Variants in PCDH9 observed in about 807,000 individuals in gnomAD.
The protein encoded by PCDH9 is protocadherin-9.
A neutral mutation model predicts 70.6 loss-of-function variants in PCDH9; 24 were observed. The ratio of observed to expected loss-of-function variants is 0.34; its 90% CI spans 0.25 to 0.48. The LOEUF (loss-of-function observed/expected upper bound fraction) is 0.48, where lower values mean the gene tolerates loss of function less well. Among genes scored for constraint, PCDH9 ranks in the 20% least tolerant of loss-of-function variants. PCDH9 has a pLI of 0.99. For missense variants in PCDH9, 1,281 were observed against 1,503.6 expected (o/e 0.85, Z 2.45); for synonymous variants, 562 against 558.5 (o/e 1.01, Z -0.09).
chr13:66,681,774 T>G (rs1314660875), intron 3 of PCDH9, among the ~76,000 whole-genome samples: 8 of 152,016 alleles, frequency 5.3e-5, no homozygotes, highest in Non-Finnish European at 1.2e-4. Context: ...GCTGTAACAG[T>G]TTGATGTCTG....
At chr13:66,404,637 A>G (rs1957248918) in intron 4 of PCDH9, among the ~76,000 whole-genome samples, 1 of 152,282 alleles carries the variant, frequency 6.6e-6, no homozygotes, top group East Asian at 1.9e-4. Flanking sequence ...TCAAGGTGTG[A>G]ATCATTCAGT....
chr13:66,699,644 C>A (rs1222839374), intron 3 of PCDH9, among the ~76,000 whole-genome samples: 1 of 152,154 alleles, frequency 6.6e-6, no homozygotes, highest in Non-Finnish European at 1.5e-5. Flanking sequence ...GAAAGGGATT[C>A]TTTGCCTAGA....
At chr13:67,137,901 T>C (rs1026613876) in intron 2 of PCDH9, among the ~76,000 whole-genome samples, 1 of 152,162 alleles carries the variant, frequency 6.6e-6, no homozygotes, top group Admixed American at 6.6e-5. Flanking sequence ...TGTTCAATTC[T>C]ATGTAAAAAA....
intron 3 of PCDH9, among the ~76,000 whole-genome samples, chr13:66,846,972 G>T (rs1027079493): frequency 2.0e-5 from 3 of 151,572 alleles, no homozygotes; most frequent in Admixed American, 6.6e-5. Flanking sequence ...CTTATTAAAA[G>T]CTGATTTCAA....
In PCDH9 at chr13:66,626,951, CTGTGTG is replaced by C. The variant is rs10559380; in HGVS notation, c.3340+4253_3340+4258del. On this transcript the variant is annotated intron_variant, in intron 4 of 4. Coordinates refer to ENST00000377865, the MANE Select transcript of PCDH9 (RefSeq NM_203487.3). ...GCCAGTATTATTAGATCAAATGCCA[CTGTGTG>C]TGTGTGTGTGTGTGTGTGTGTGTGT... Among the ~76,000 whole-genome samples the C allele has an allele frequency of 7.0e-3, 1,034 of 146,980 alleles. 2 individuals carry two copies. Among genetic ancestry groups the C allele is most frequent in the African/African-American group, 0.013 (528 of 40,046 alleles).
chr13:66,592,126 G>C (rs546289266), intron 4 of PCDH9, among the ~76,000 whole-genome samples: 69 of 151,654 alleles, frequency 4.5e-4, no homozygotes, highest in South Asian at 1.7e-3. Context: ...TAAGATAGAG[G>C]CCTTTTTTAT....
chr13:67,130,936 C>T (rs1313957893), intron 2 of PCDH9, among the ~76,000 whole-genome samples: 1 of 152,114 alleles, frequency 6.6e-6, no homozygotes, highest in Admixed American at 6.6e-5. Flanking sequence ...CCTTCGCCTT[C>T]CCTTCAAATC....
intron 4 of PCDH9, among the ~76,000 whole-genome samples, chr13:66,380,864 G>C (rs985338270): frequency 6.6e-6 from 1 of 152,058 alleles, no homozygotes; most frequent in Non-Finnish European, 1.5e-5. Context: ...TTTAAAGAGA[G>C]AAAATCACAT....
chr13:66,818,675 G>T (rs1167927760), intron 3 of PCDH9, among the ~76,000 whole-genome samples: 4 of 152,150 alleles, frequency 2.6e-5, no homozygotes, highest in African/African-American at 9.7e-5. Flanking sequence ...GCTCACGCCT[G>T]TAGTCCCAGC....
chr13:66,622,047 C>T (rs908768295), intron 4 of PCDH9, among the ~76,000 whole-genome samples: 3 of 152,220 alleles, frequency 2.0e-5, no homozygotes, highest in African/African-American at 4.8e-5. Context: ...TCGGAGCAGC[C>T]GGCCGGCCCT....
chr13:66,412,378 G>T (rs1374990758), intron 4 of PCDH9, among the ~76,000 whole-genome samples: 2 of 152,126 alleles, frequency 1.3e-5, no homozygotes, highest in East Asian at 3.9e-4. Context: ...TCAAAACTCA[G>T]AGTTGCACTA....
intron 4 of PCDH9, among the ~76,000 whole-genome samples, chr13:66,604,800 C>G (rs1187756725): frequency 6.6e-6 from 1 of 151,742 alleles, no homozygotes; most frequent in African/African-American, 2.4e-5. Flanking sequence ...TTTTCAAATA[C>G]TTTTTATGTT....
chr13:67,154,737 G>C (rs187698637), intron 2 of PCDH9, among the ~76,000 whole-genome samples: 47 of 134,044 alleles, frequency 3.5e-4, no homozygotes, highest in East Asian at 6.5e-4. Context: ...CAGAGTCTCT[G>C]TCTGTCACCT....
chr13:66,363,115 G>T (rs535879628), intron 4 of PCDH9, among the ~76,000 whole-genome samples: 1 of 152,266 alleles, frequency 6.6e-6, no homozygotes, highest in East Asian at 1.9e-4. Context: ...GGAGGCAAAA[G>T]TTGCAGTGAG....
intron 4 of PCDH9, among the ~76,000 whole-genome samples, chr13:66,344,066 T>C (rs893928135): frequency 1.1e-4 from 17 of 152,192 alleles, no homozygotes; most frequent in African/African-American, 4.1e-4. Flanking sequence ...AAAAATCTGA[T>C]AGAAAGTGTA....
At chr13:66,413,648 T>C (rs1474590891) in intron 4 of PCDH9, among the ~76,000 whole-genome samples, 1 of 151,748 alleles carries the variant, frequency 6.6e-6, no homozygotes, top group East Asian at 1.9e-4. Context: ...ATGAAGCCAC[T>C]GCACTCCACC....
intron 4 of PCDH9, among the ~76,000 whole-genome samples, chr13:66,408,531 C>T (rs1261441694): frequency 6.6e-6 from 1 of 152,070 alleles, no homozygotes; most frequent in Admixed American, 6.5e-5. Flanking sequence ...AAATGTTAAA[C>T]ATAATTACAG....
chr13:66,955,889 C>T (rs373500781), intron 2 of PCDH9, among the ~76,000 whole-genome samples: 17 of 151,982 alleles, frequency 1.1e-4, no homozygotes, highest in African/African-American at 3.9e-4. Context: ...GTCAGGAGTT[C>T]GACACCGGCC....
chr13:66,391,991 T>C (rs868336170), intron 4 of PCDH9, among the ~76,000 whole-genome samples: 13 of 151,378 alleles, frequency 8.6e-5, no homozygotes, highest in African/African-American at 1.7e-4. Flanking sequence ...ACTGCTGTTA[T>C]AGGAAAACAA....
Sources: gnomAD v4.1 joint callset for allele counts (sites outside exome capture counted in the v4.1 genomes callset) on GRCh38, gnomAD v4.1.1 for gene constraint, MANE v1.5 for transcripts, NCBI Gene and HGNC (gene_info 2026-07-23, HGNC 2026-07-21) for gene names.